The following RYR3 variants were observed in gnomAD, a reference collection of about 807,000 sequenced individuals.
RYR3 encodes ryanodine receptor 3.
RYR3 carries 207 observed loss-of-function variants against 584.3 expected under a neutral mutation model. The ratio of observed to expected loss-of-function variants is 0.35; its 90% CI spans 0.32 to 0.40. The LOEUF is 0.40. RYR3 is among the 10% of genes least tolerant of loss of function. RYR3 has a pLI of 1.00. For missense variants in RYR3, 5,616 were observed against 6,089.2 expected (o/e 0.92, Z 2.59); for synonymous variants, 2,416 against 2,248.5 (o/e 1.07, Z -2.11).
intron 27 of RYR3, among the ~76,000 whole-genome samples, chr15:33,640,294 G>A (rs1265420361): frequency 1.9e-4 from 29 of 152,202 alleles, no homozygotes; most frequent in Non-Finnish European, 1.5e-5. Context: ...GCTGTGGCAG[G>A]GGAGCGTGGC....
intron 36 of RYR3, among the ~76,000 whole-genome samples, chr15:33,669,067 T>G (rs2152719969): frequency 6.6e-6 from 1 of 152,206 alleles, no homozygotes; most frequent in African/African-American, 2.4e-5. Flanking sequence ...CTACATAATG[T>G]CAGGAAGACA....
chr15:33,746,135 C>T lies in RYR3; in HGVS notation c.7967C>T (p.Pro2656Leu), dbSNP rs776362513. The T allele has an allele frequency of 2.5e-6, 4 of 1,598,020 alleles. No homozygotes were observed. The Admixed American group carries it at 6.9e-5, about 28-fold the overall frequency. The part of the protein sequence containing the change: ...ENVKTHPLIR[P>L]FKTLTEKEKE... The stretch of plus-strand genomic sequence containing the variant: ...GTGAAGACCCACCCACTGATAAGGC[C>T]TTTCAAGACATTAACGGAGAAGGTA... Residue 2656 changes from proline (P) to leucine (L), a missense_variant, in exon 53 of 104, where the codon CCT becomes CTT. Physicochemically the swap from Pro to Leu is moderately conservative, Grantham distance 98. Coordinates refer to ENST00000634891, the MANE Select transcript of RYR3 (RefSeq NM_001036.6).
At position 33,801,937 on chromosome 15, in the gene RYR3, A is replaced by G; in HGVS notation, c.9987A>G (p.Gly3329=). Residue 3329 remains glycine, a synonymous_variant, in exon 69 of 104, where the codon GGA becomes GGG. Coordinates refer to ENST00000634891, the MANE Select transcript of RYR3 (RefSeq NM_001036.6). ...TTAATAATTTGGCATTTTTAACTGG[A>G]GACAGCAAAAGCAAGATGTCAAAAG... is the stretch of plus-strand genomic sequence containing the variant. ...NEINNLAFLT[G]DSKSKMSKAM... The G allele has an allele frequency of 6.3e-7, 1 of 1,593,934 alleles. No individual in the cohort carries two copies. The highest frequency in any genetic ancestry group is 8.6e-7 in the Non-Finnish European group (1 of 1,166,888).
At chr15:33,351,859 A>G in intron 1 of RYR3, among the ~76,000 whole-genome samples, 4 of 149,524 alleles carry the variant, frequency 2.7e-5, no homozygotes, top group Admixed American at 6.7e-5. Flanking sequence ...CAAGACAGGG[A>G]TGCCCTCTCT....
intron 89 of RYR3, 41 bp from the exon 90 acceptor site, chr15:33,840,784 C>T (rs1368877011): frequency 6.2e-7 from 1 of 1,601,702 alleles, no homozygotes; most frequent in African/African-American, 1.3e-5. Context: ...CATGACCTCG[C>T]TTCTTTGAGG....
intron 86 of RYR3, among the ~76,000 whole-genome samples, chr15:33,832,654 CTCA>C (rs1567271735): frequency 3.9e-5 from 4 of 101,590 alleles, no homozygotes; most frequent in African/African-American, 1.4e-4. Context: ...GAGACTCTGT[CTCA>C]AAAAAAAAAA....
chr15:33,494,848 T>C (rs557356829), intron 2 of RYR3, among the ~76,000 whole-genome samples: 1 of 152,336 alleles, frequency 6.6e-6, no homozygotes, highest in South Asian at 2.1e-4. Context: ...AAGAAAGGTT[T>C]ATGCATTTTA....
intron 46 of RYR3, among the ~76,000 whole-genome samples, chr15:33,728,553 T>C (rs1177380880): frequency 5.9e-5 from 9 of 152,236 alleles, no homozygotes; most frequent in Non-Finnish European, 1.2e-4. Context: ...TAGAAGCGTG[T>C]TGGATTTTTT....
At chr15:33,534,483 A>G (rs2055157302) in intron 5 of RYR3, among the ~76,000 whole-genome samples, 2 of 152,348 alleles carry the variant, frequency 1.3e-5, no homozygotes, top group Admixed American at 6.5e-5. Flanking sequence ...CCAATGATAT[A>G]CATCATATAC....
At chr15:33,501,060 C>CAGT (rs2051940507) in intron 2 of RYR3, among the ~76,000 whole-genome samples, 1 of 152,134 alleles carries the variant, frequency 6.6e-6, no homozygotes, top group African/African-American at 2.4e-5. Context: ...AGAAACTAAG[C>CAGT]TGCCAGGAAA....
chr15:33,427,626 G>A (rs1239684483), intron 1 of RYR3, among the ~76,000 whole-genome samples: 1 of 152,178 alleles, frequency 6.6e-6, no homozygotes, highest in Non-Finnish European at 1.5e-5. Context: ...ACTAGATGTT[G>A]TATTACATCA....
intron 38 of RYR3, among the ~76,000 whole-genome samples, chr15:33,684,453 A>C (rs372706567): frequency 1.5e-3 from 104 of 70,420 alleles, no homozygotes; most frequent in African/African-American, 3.4e-3. Context: ...CATCAACATT[A>C]AAAAAAAGGA....
chr15:33,830,951 A>C lies in RYR3; in HGVS notation c.11335-12A>C, dbSNP rs1197291524. The C allele has an allele frequency of 1.2e-6, 2 of 1,612,302 alleles. No homozygotes were observed. Among genetic ancestry groups the C allele is most frequent in the Non-Finnish European group, 1.7e-6 (2 of 1,179,268 alleles). On this transcript the variant is annotated splice_polypyrimidine_tract_variant and intron_variant, in intron 85 of 103. Coordinates refer to ENST00000634891, the MANE Select transcript of RYR3 (RefSeq NM_001036.6). The stretch of plus-strand genomic sequence containing the variant: ...GTCTGAGAAATACTAAGCTCTACTC[A>C]TTTGTTTTTAGGAATCAATCAGTGA...
intron 1 of RYR3, among the ~76,000 whole-genome samples, chr15:33,465,251 A>G (rs2048387699): frequency 1.3e-5 from 2 of 152,142 alleles, no homozygotes; most frequent in African/African-American, 4.8e-5. Context: ...TTGGAGATAT[A>G]TATATACACA....
At position 33,403,735 on chromosome 15, in the gene RYR3, ATAAT is replaced by A. The variant is rs959672235; in HGVS notation, c.52-69682_52-69679del. Among the ~76,000 whole-genome samples, 67 of 152,332 alleles carry A rather than the reference ATAAT, an allele frequency of 4.4e-4. 2 individuals carry two copies. Among genetic ancestry groups the A allele is most frequent in the African/African-American group, 1.2e-3 (50 of 41,574 alleles). On this transcript the variant is annotated intron_variant, in intron 1 of 103. Coordinates refer to ENST00000634891, the MANE Select transcript of RYR3 (RefSeq NM_001036.6). ...TTGTCTCCCATTTGCTTCATAGCTA[ATAAT>A]TCAAGTATTTCTAAAAACACTGATC... is the stretch of plus-strand genomic sequence containing the variant.
chr15:33,789,236 C>G lies in RYR3; in HGVS notation c.9830+778C>G, dbSNP rs192147779. Among the ~76,000 whole-genome samples the G allele has an allele frequency of 8.5e-5, 13 of 152,122 alleles. No homozygotes were observed. In the East Asian group the frequency reaches 2.5e-3, roughly 30 times the overall value. ...GGGCCGAGAGTCCAGGCCTAGGACG[C>G]CACTGTGAGGACTCTGACTTTTACT... On this transcript the variant is annotated intron_variant, in intron 67 of 103. Coordinates refer to ENST00000634891, the MANE Select transcript of RYR3 (RefSeq NM_001036.6).
chr15:33,368,825 G>A (rs1975896684), intron 1 of RYR3, among the ~76,000 whole-genome samples: 1 of 152,100 alleles, frequency 6.6e-6, no homozygotes, highest in African/African-American at 2.4e-5. Context: ...TGGAGAAATA[G>A]CCTCCTAAAC....
intron 3 of RYR3, among the ~76,000 whole-genome samples, chr15:33,520,171 G>A (rs2053873691): frequency 6.6e-6 from 1 of 152,158 alleles, no homozygotes; most frequent in Non-Finnish European, 1.5e-5. Context: ...GTGGGTAAAG[G>A]TGTTACACAC....
At chr15:33,773,392 A>G in intron 63 of RYR3, 142 bp from the exon 64 acceptor site, 1 of 650,150 alleles carries the variant, frequency 1.5e-6, no homozygotes, top group Non-Finnish European at 2.7e-6. Flanking sequence ...GCATCTGGGT[A>G]GAAAAGGGAT....
Sources: gnomAD v4.1 joint callset for allele counts (sites outside exome capture counted in the v4.1 genomes callset) on GRCh38, gnomAD v4.1.1 for gene constraint, MANE v1.5 for transcripts, NCBI Gene and HGNC (gene_info 2026-07-23, HGNC 2026-07-21) for gene names.